Variants in SLC4A5 observed in about 807,000 individuals in gnomAD.
SLC4A5 encodes electrogenic sodium bicarbonate cotransporter 4.
Under a neutral mutation model 120.4 loss-of-function variants are expected in SLC4A5, and 96 were observed. The ratio of observed to expected loss-of-function variants is 0.80; its 90% CI spans 0.68 to 0.94. SLC4A5 has a LOEUF of 0.94. Among genes scored for constraint, SLC4A5 ranks in the 40% least tolerant of loss-of-function variants. The pLI is 0.00. For missense variants in SLC4A5, 1,259 were observed against 1,459.5 expected (o/e 0.86, Z 2.24); for synonymous variants, 550 against 571.1 (o/e 0.96, Z 0.53).
intron 11 of SLC4A5, 92 bp downstream of exon 11, chr2:74,262,045 G>T: frequency 8.5e-7 from 1 of 1,173,492 alleles, no homozygotes. Context: ...GCAGATCCTG[G>T]GCTTTGTCTC....
chr2:74,249,084 A>G (rs1670709564), intron 17 of SLC4A5, among the ~76,000 whole-genome samples: 1 of 152,200 alleles, frequency 6.6e-6, no homozygotes, highest in Non-Finnish European at 1.5e-5. Context: ...GTTTAGTAGC[A>G]TCCACAGCCT....
At chr2:74,322,816 T>C (rs921145687) in intron 5 of SLC4A5, among the ~76,000 whole-genome samples, 1 of 152,126 alleles carries the variant, frequency 6.6e-6, no homozygotes, top group African/African-American at 2.4e-5. Context: ...CATTATGAAA[T>C]TTTAGAACAG....
At chr2:74,252,833 C>T in intron 15 of SLC4A5, 141 bp downstream of exon 15, 1 of 995,112 alleles carries the variant, frequency 1.0e-6, no homozygotes, top group African/African-American at 1.6e-5. Context: ...AGTGATCCAC[C>T]TGCCTCAGCA....
At chr2:74,217,945 AG>A (rs1694494679) in exon 31 of SLC4A5, 1 of 152,426 alleles carries the variant, frequency 6.6e-6, no homozygotes, top group Non-Finnish European at 1.5e-5. Context: ...CTGGGACTAC[AG>A]GTGCATGCCA....
At chr2:74,285,250 G>A (rs1671945839) in intron 8 of SLC4A5, among the ~76,000 whole-genome samples, 1 of 152,060 alleles carries the variant, frequency 6.6e-6, no homozygotes, top group Admixed American at 6.5e-5. Flanking sequence ...CCCTGTCTCT[G>A]GAAAAACAAC....
At chr2:74,221,621 G>C (rs1240275394) in intron 29 of SLC4A5, 120 bp from the exon 30 acceptor site, 2 of 953,912 alleles carry the variant, frequency 2.1e-6, no homozygotes, top group Non-Finnish European at 1.6e-6. Context: ...CTATGCAAGA[G>C]GAATACGGGG....
At chr2:74,326,858 C>T (rs917928622) in intron 5 of SLC4A5, among the ~76,000 whole-genome samples, 1 of 152,114 alleles carries the variant, frequency 6.6e-6, no homozygotes, top group Non-Finnish European at 1.5e-5. Flanking sequence ...GCTATCCTAG[C>T]AAACAGACAC....
At chr2:74,268,714 T>G (rs1671380739) in intron 8 of SLC4A5, among the ~76,000 whole-genome samples, 1 of 152,198 alleles carries the variant, frequency 6.6e-6, no homozygotes, top group East Asian at 1.9e-4. Context: ...CTGCCACCAA[T>G]GAGATCTTAC....
At chr2:74,312,266 T>C (rs1199330665) in intron 6 of SLC4A5, among the ~76,000 whole-genome samples, 1 of 151,832 alleles carries the variant, frequency 6.6e-6, no homozygotes, top group Non-Finnish European at 1.5e-5. Flanking sequence ...TGTGTGTGTG[T>C]GTGTGTATAT....
intron 20 of SLC4A5, among the ~76,000 whole-genome samples, chr2:74,240,744 T>C (rs1670413744): frequency 6.7e-6 from 1 of 148,752 alleles, no homozygotes; most frequent in African/African-American, 2.5e-5. Flanking sequence ...CATTCCAGCC[T>C]GGGTAACAGA....
At chr2:74,301,279 C>T (rs552666521) in intron 7 of SLC4A5, among the ~76,000 whole-genome samples, 4 of 152,296 alleles carry the variant, frequency 2.6e-5, no homozygotes, top group African/African-American at 7.2e-5. Flanking sequence ...GGTACCAAGC[C>T]CCTTCACATA....
chr2:74,332,698 T>C (rs1673390761), intron 4 of SLC4A5, among the ~76,000 whole-genome samples: 1 of 151,030 alleles, frequency 6.6e-6, no homozygotes, highest in South Asian at 2.1e-4. Flanking sequence ...CAGAGGGGTG[T>C]CCATTTGTGT....
intron 5 of SLC4A5, among the ~76,000 whole-genome samples, chr2:74,324,449 C>A (rs187703755): frequency 1.5e-3 from 233 of 152,284 alleles, no homozygotes; most frequent in African/African-American, 5.5e-3. Context: ...TGCTGGGTCT[C>A]ATCCCCAGAG....
intron 29 of SLC4A5, among the ~76,000 whole-genome samples, chr2:74,222,003 T>TA (rs1432753129): frequency 6.6e-6 from 1 of 152,108 alleles, no homozygotes; most frequent in African/African-American, 2.4e-5. Flanking sequence ...AGGATTTCCA[T>TA]AAGCAATGCC....
At chr2:74,313,122 C>T (rs545332260) in intron 6 of SLC4A5, among the ~76,000 whole-genome samples, 18 of 145,500 alleles carry the variant, frequency 1.2e-4, no homozygotes, top group Non-Finnish European at 2.4e-4. Context: ...TAGCCTCAAA[C>T]AATCCTCCTG....
chr2:74,310,150 T>C (rs1226165961), intron 6 of SLC4A5, among the ~76,000 whole-genome samples: 1 of 152,238 alleles, frequency 6.6e-6, no homozygotes, highest in Non-Finnish European at 1.5e-5. Flanking sequence ...CCTAAGACTT[T>C]ACATCCTGAG....
chr2:74,312,615 G>A (rs1290623758), intron 6 of SLC4A5, among the ~76,000 whole-genome samples: 2 of 152,038 alleles, frequency 1.3e-5, no homozygotes, highest in Non-Finnish European at 2.9e-5. Context: ...CCTTTTAATT[G>A]ATATGTTTAG....
chr2:74,333,178 A>G (rs1673403179), intron 4 of SLC4A5, among the ~76,000 whole-genome samples: 1 of 152,200 alleles, frequency 6.6e-6, no homozygotes, highest in African/African-American at 2.4e-5. Context: ...TCTGGCCTCT[A>G]GTGGGTAGTG....
intron 7 of SLC4A5, among the ~76,000 whole-genome samples, chr2:74,300,546 A>AT (rs1672448981): frequency 1.3e-5 from 2 of 152,160 alleles, no homozygotes; most frequent in Non-Finnish European, 2.9e-5. Context: ...TTTCTAGCTA[A>AT]TTTTTACCTA....
Sources: gnomAD v4.1 joint callset for allele counts (sites outside exome capture counted in the v4.1 genomes callset) on GRCh38, gnomAD v4.1.1 for gene constraint, MANE v1.5 for transcripts, NCBI Gene and HGNC (gene_info 2026-07-23, HGNC 2026-07-21) for gene names.